Variants in PCDH15 observed in about 807,000 individuals in gnomAD.
The protein encoded by PCDH15 is protocadherin related 15, also known as protocadherin-15.
In PCDH15, 129 loss-of-function variants were observed where a neutral mutation model predicts 178.5. The ratio of observed to expected loss-of-function variants is 0.72; its 90% CI spans 0.63 to 0.84. The LOEUF (loss-of-function observed/expected upper bound fraction) is 0.84. Ranked by LOEUF, PCDH15 falls within the 40% of genes least tolerant of loss-of-function variation. PCDH15 has a pLI of 0.00. For missense variants in PCDH15, 2,230 were observed against 2,099.9 expected (o/e 1.06, Z -1.21); for synonymous variants, 800 against 732.0 (o/e 1.09, Z -1.50).
chr10:54,147,867 T>A (rs2044144821), intron 14 of PCDH15, among the ~76,000 whole-genome samples: 1 of 151,914 alleles, frequency 6.6e-6, no homozygotes, highest in South Asian at 2.1e-4. Flanking sequence ...AAGCTTTAAA[T>A]CTAACAACTC....
At chr10:54,744,146 G>A (rs1446497251) in intron 1 of PCDH15, among the ~76,000 whole-genome samples, 2 of 152,030 alleles carry the variant, frequency 1.3e-5, no homozygotes, top group African/African-American at 4.8e-5. Context: ...TAGTGAAGTA[G>A]GCCTCTTGCC....
At chr10:55,603,083 T>C (rs932779071) in intron 2 of PCDH15, among the ~76,000 whole-genome samples, 2 of 151,882 alleles carry the variant, frequency 1.3e-5, no homozygotes, top group Non-Finnish European at 2.9e-5. Context: ...GAGAACTACG[T>C]GAAGAATGCA....
intron 3 of PCDH15, among the ~76,000 whole-genome samples, chr10:54,521,144 A>G (rs918632616): frequency 6.6e-6 from 1 of 151,860 alleles, no homozygotes; most frequent in Non-Finnish European, 1.5e-5. Context: ...GTACACCAAC[A>G]TGGCACATGT....
chr10:55,012,198 T>C (rs1840061017), intron 2 of PCDH15, among the ~76,000 whole-genome samples: 1 of 152,116 alleles, frequency 6.6e-6, no homozygotes, highest in African/African-American at 2.4e-5. Context: ...TTATTATTCA[T>C]AGATATCAAG....
At chr10:55,013,348 T>C (rs943571477) in intron 2 of PCDH15, among the ~76,000 whole-genome samples, 1 of 152,214 alleles carries the variant, frequency 6.6e-6, no homozygotes, top group Non-Finnish European at 1.5e-5. Flanking sequence ...CAATTTTTCC[T>C]AAGATAAAAA....
intron 25 of PCDH15, among the ~76,000 whole-genome samples, chr10:53,914,831 T>C (rs1459949181): frequency 6.6e-6 from 1 of 152,192 alleles, no homozygotes; most frequent in Non-Finnish European, 1.5e-5. Flanking sequence ...CAGATTTCTC[T>C]AAAAAGTTTA....
chr10:54,089,242 G>A (rs947672327), intron 16 of PCDH15, among the ~76,000 whole-genome samples: 5 of 152,116 alleles, frequency 3.3e-5, no homozygotes, highest in Admixed American at 6.5e-5. Context: ...ATTTGTCAAA[G>A]TTTTAACTTT....
intron 3 of PCDH15, among the ~76,000 whole-genome samples, chr10:54,820,661 C>T (rs543541208): frequency 2.6e-5 from 4 of 152,056 alleles, no homozygotes; most frequent in Admixed American, 1.3e-4. Context: ...AGAGTTCCTA[C>T]GAGCACCATA....
chr10:54,622,740 T>C (rs1183305676), intron 2 of PCDH15, among the ~76,000 whole-genome samples: 24 of 25,410 alleles, frequency 9.4e-4, no homozygotes, highest in Non-Finnish European at 2.2e-3. Flanking sequence ...TAATTATATA[T>C]ATATTATATA....
intron 8 of PCDH15, among the ~76,000 whole-genome samples, chr10:54,255,648 C>T (rs532239062): frequency 4.1e-4 from 63 of 152,066 alleles, no homozygotes; most frequent in African/African-American, 1.5e-3. Context: ...AACTGGTAGC[C>T]ATACACAGCA....
chr10:54,512,611 G>T lies in PCDH15; in HGVS notation c.157+15201C>A, dbSNP rs186380324. Among the ~76,000 whole-genome samples, 20 of 152,068 alleles carry T rather than the reference G, an allele frequency of 1.3e-4. No homozygotes were observed. In the East Asian group the frequency reaches 3.9e-3, roughly 29 times the overall value. On this transcript the variant is annotated intron_variant, in intron 3 of 37. Coordinates refer to ENST00000644397, the MANE Select transcript of PCDH15 (RefSeq NM_001384140.1). ...GGGTTTTTTCCTCATTTCATGAACT[G>T]CAAACTCACATAACATATTGATGTT...
chr10:55,519,168 GC>G (rs1452773206), intron 2 of PCDH15, among the ~76,000 whole-genome samples: 1 of 144,032 alleles, frequency 6.9e-6, no homozygotes, highest in Non-Finnish European at 1.5e-5. Flanking sequence ...TCAGCCAGCT[GC>G]CCCCTCAGGT....
At chr10:54,690,642 G>A (rs982210137) in intron 1 of PCDH15, among the ~76,000 whole-genome samples, 1 of 152,014 alleles carries the variant, frequency 6.6e-6, no homozygotes, top group Admixed American at 6.6e-5. Context: ...AGTTATTTTA[G>A]AGTATACTTC....
intron 1 of PCDH15, among the ~76,000 whole-genome samples, chr10:54,789,229 C>A (rs114111711): frequency 0.01 from 1,555 of 151,956 alleles, 28 homozygotes; most frequent in African/African-American, 0.036. Flanking sequence ...TAAAGACATA[C>A]TATGTGTGAA....
intron 3 of PCDH15, among the ~76,000 whole-genome samples, chr10:54,512,407 T>TGTGTG (rs2081786167): frequency 9.8e-6 from 1 of 102,370 alleles, no homozygotes; most frequent in Non-Finnish European, 2.4e-5. Context: ...GTGTGTATTA[T>TGTGTG]TGGGGGATGA....
chr10:55,497,307 T>A (rs76205097), intron 2 of PCDH15, among the ~76,000 whole-genome samples: 6,865 of 151,512 alleles, frequency 0.045, 406 homozygotes, highest in East Asian at 0.29. Context: ...TTTTTTTTTT[T>A]AATTTTTTGT....
intron 3 of PCDH15, among the ~76,000 whole-genome samples, chr10:54,523,983 G>C (rs1421617313): frequency 6.6e-6 from 1 of 152,118 alleles, no homozygotes; most frequent in African/African-American, 2.4e-5. Context: ...GAGAAATACT[G>C]CTTAGGAAAG....
intron 3 of PCDH15, among the ~76,000 whole-genome samples, chr10:54,851,288 A>G (rs1591741518): frequency 1.3e-5 from 2 of 152,148 alleles, no homozygotes. Flanking sequence ...TTTTAAAAAA[A>G]TTAGTCAAAA....
At chr10:55,479,873 C>T (rs575892988) in intron 2 of PCDH15, among the ~76,000 whole-genome samples, 59 of 151,768 alleles carry the variant, frequency 3.9e-4, no homozygotes, top group African/African-American at 1.3e-3. Flanking sequence ...TAACAAACTA[C>T]ATGACAAAGA....
Sources: gnomAD v4.1 joint callset for allele counts (sites outside exome capture counted in the v4.1 genomes callset) on GRCh38, gnomAD v4.1.1 for gene constraint, MANE v1.5 for transcripts, NCBI Gene and HGNC (gene_info 2026-07-23, HGNC 2026-07-21) for gene names.